Variants in RADIL observed in about 807,000 individuals in gnomAD.
The protein encoded by RADIL is ras-associating and dilute domain-containing protein.
Under a neutral mutation model 97.6 loss-of-function variants are expected in RADIL, and 99 were observed. That is an observed-to-expected ratio of 1.01 (90% CI 0.86 to 1.20). The LOEUF is 1.20. RADIL is among the 50% of genes most tolerant of loss of function. The probability of loss-of-function intolerance (pLI) is 0.00; values close to 1 mark genes in which losing one functional copy is unlikely to be tolerated. For missense variants in RADIL, 1,765 were observed against 1,498.9 expected (o/e 1.18, Z -2.93); for synonymous variants, 803 against 691.8 (o/e 1.16, Z -2.52).
chr7:4,877,874 G>A lies in RADIL; in HGVS notation c.266C>T (p.Ala89Val), dbSNP rs1481475262. 6.2e-7 allele frequency: 1 copy of A among 1,605,628 alleles called. No individual in the cohort carries two copies. Among genetic ancestry groups the A allele is most frequent in the Admixed American group, 1.7e-5 (1 of 60,012 alleles). ...CAGCGCCTCCTTCACCAGCTCACGG[G>A]CGCTGGAGGTGCCGGTGGCCAGGAC... ...KSVLATGTSSARELVKEALER... is the reference protein window; with the variant it reads ...KSVLATGTSSVRELVKEALER... The change falls in exon 2 of 15, where the codon GCC (alanine) becomes GTC (valine). Residue 89 changes from alanine (A) to valine (V), a missense_variant. Transcript: ENST00000399583.
At position 4,802,296 on chromosome 7, in the gene RADIL, GC is replaced by G. The variant is rs550845641; in HGVS notation, c.2500-302del. 2.0e-4 allele frequency among the ~76,000 whole-genome samples: 29 copies of G among 147,646 alleles called. No homozygotes were observed. In the South Asian group the frequency reaches 6.2e-3, roughly 31 times the overall value. ...CACCTCGGGGCACGCTGGCTGGGGG[GC>G]CCCCTCCCCAGGTACCTCGGGGCAT... On this transcript the variant is annotated intron_variant, in intron 11 of 14. Coordinates refer to ENST00000399583, the MANE Select transcript of RADIL (RefSeq NM_018059.5).
chr7:4,861,662 A>C, intron 2 of RADIL: 1 of 1,604,720 alleles, frequency 6.2e-7, no homozygotes. Flanking sequence ...GAAGACCCCG[A>C]AGGGCCTGAG....
intron 9 of RADIL, among the ~76,000 whole-genome samples, chr7:4,806,666 T>A (rs1782319269): frequency 6.6e-6 from 1 of 152,214 alleles, no homozygotes. Flanking sequence ...CTCTCTGGTT[T>A]GTCCTGTTTC....
rs916225710 is a variant in RADIL, at chr7:4,817,849, C to T, written c.1616-498G>A. Among the ~76,000 whole-genome samples the T allele has an allele frequency of 9.2e-5, 14 of 152,174 alleles. No homozygotes were observed. The highest frequency in any genetic ancestry group is 5.8e-4 in the East Asian group (3 of 5,180). On this transcript the variant is annotated intron_variant, in intron 6 of 14. Transcript: ENST00000399583. The surrounding 1 kb of genome is among the most constrained non-coding windows in gnomAD (Gnocchi z 8.3). ...CCCCACCCCCGGGTGTCAGCCGGGGCGGCTGGAGCTGAGGCTGGGGGGAGC... is the reference window on the plus strand; with the variant it reads ...CCCCACCCCCGGGTGTCAGCCGGGGTGGCTGGAGCTGAGGCTGGGGGGAGC...
At chr7:4,812,433 A>ATTG (rs2115182481) in intron 9 of RADIL, among the ~76,000 whole-genome samples, 1 of 151,140 alleles carries the variant, frequency 6.6e-6, no homozygotes, top group South Asian at 2.1e-4. Context: ...TTTTATTATT[A>ATTG]TTATTTTTGA....
rs1782701288 is a variant in RADIL at position 4,817,251 on chromosome 7, G to A, written c.1716C>T (p.Tyr572=). ...CCCGTCCGTGCACCTTGGAGACATA[G>A]TAGACGCACTGCTGGAAGGCGTACA... ...VVLYAFQQCV[Y]YVSKSLYICL... The change falls in exon 7 of 15, where the codon TAC becomes TAT. Residue 572 remains tyrosine, a synonymous_variant. Coordinates refer to ENST00000399583, the MANE Select transcript of RADIL (RefSeq NM_018059.5). This position sits in a 1 kb window ranked among gnomAD's most constrained non-coding sequence, Gnocchi z 8.3. The A allele has an allele frequency of 6.2e-7, 1 of 1,612,192 alleles. No individual in the cohort carries two copies. Among genetic ancestry groups the A allele is most frequent in the Admixed American group, 1.7e-5 (1 of 59,934 alleles).
chr7:4,861,553 A>T (rs1783997330), intron 2 of RADIL: 1 of 1,613,930 alleles, frequency 6.2e-7, no homozygotes, highest in Admixed American at 1.7e-5. Context: ...CAGACTGGGG[A>T]AGACTCTTGC....
At chr7:4,826,740 A>AG (rs931143042) in intron 5 of RADIL, among the ~76,000 whole-genome samples, 2 of 152,026 alleles carry the variant, frequency 1.3e-5, no homozygotes, top group African/African-American at 4.8e-5. Context: ...CTCAAAAAAA[A>AG]AAAACAAAAA....
At chr7:4,803,257 G>T (rs1782174464) in intron 11 of RADIL, among the ~76,000 whole-genome samples, 1 of 105,728 alleles carries the variant, frequency 9.5e-6, no homozygotes, top group South Asian at 3.3e-4. Context: ...GGGCACGCTG[G>T]CTGGGGGGCC....
At chr7:4,806,059 G>A (rs1782297369) in intron 9 of RADIL, 2 of 985,378 alleles carry the variant, frequency 2.0e-6, no homozygotes, top group Non-Finnish European at 1.2e-6. Flanking sequence ...GCCTCCAACG[G>A]TGTGAAAGAA....
In RADIL at chr7:4,883,203, C is replaced by T. The variant is rs1178937902; in HGVS notation, c.-65+393G>A. Among the ~76,000 whole-genome samples, 2 of 152,072 alleles carry T rather than the reference C, an allele frequency of 1.3e-5. No homozygotes were observed. The highest frequency in any genetic ancestry group is 2.9e-5 in the Non-Finnish European group (2 of 67,978). ...CGCTGCGCCCCGCTCCCCCGCTGCGCGCCCCGGACGAAGCTCCCCCTCCAG... is the reference window on the plus strand; with the variant it reads ...CGCTGCGCCCCGCTCCCCCGCTGCGTGCCCCGGACGAAGCTCCCCCTCCAG... On this transcript the variant is annotated intron_variant, in intron 1 of 14. Coordinates refer to ENST00000399583, the MANE Select transcript of RADIL (RefSeq NM_018059.5). This position sits in a 1 kb window ranked among gnomAD's most constrained non-coding sequence, Gnocchi z 7.1.
chr7:4,860,033 C>T (rs755263634), intron 2 of RADIL: 1 of 1,614,014 alleles, frequency 6.2e-7, no homozygotes, highest in Non-Finnish European at 8.5e-7. Context: ...GTGAGGAATA[C>T]TTTCGTTTAA....
chr7:4,832,305 CTATT>C lies in RADIL; in HGVS notation c.1417-131_1417-128del, dbSNP rs1783166682. The C allele has an allele frequency of 9.0e-6, 8 of 887,782 alleles. No homozygotes were observed. In the African/African-American group the frequency reaches 9.9e-5, roughly 11 times the overall value. The allele number at this position is 887,782 out of a possible 1,614,324, so 55.0% of individuals were successfully genotyped here. A position where few individuals can be genotyped will look rare whatever the true frequency, so the allele number is the denominator to read the frequency against. On this transcript the variant is annotated intron_variant, in intron 4 of 14. Transcript: ENST00000399583. ...CCCCAGGCATCCTGTGTGACGCTGA[CTATT>C]TATTCAAGCTGTGCTGGAAAGGACA...
intron 9 of RADIL, among the ~76,000 whole-genome samples, chr7:4,806,622 G>A (rs185358619): frequency 6.6e-6 from 1 of 152,320 alleles, no homozygotes; most frequent in African/African-American, 2.4e-5. Context: ...CCGGCTCCCA[G>A]CCGGTTCTTA....
At position 4,817,393 on chromosome 7, in the gene RADIL, C is replaced by T. The variant is rs370977757; in HGVS notation, c.1616-42G>A. 1.1e-5 allele frequency: 17 copies of T among 1,542,632 alleles called. No individual in the cohort carries two copies. Among genetic ancestry groups the T allele is most frequent in the African/African-American group, 5.5e-5 (4 of 73,304 alleles). On this transcript the variant is annotated intron_variant, in intron 6 of 14. Coordinates refer to ENST00000399583, the MANE Select transcript of RADIL (RefSeq NM_018059.5). The surrounding 1 kb of genome is among the most constrained non-coding windows in gnomAD (Gnocchi z 8.3). ...ACGCCAATGGTCACAACGGGCACAG[C>T]GCTCAGGAACGCAGCAACTCAGCCA...
In RADIL at chr7:4,835,182, A is replaced by T; in HGVS notation, c.841T>A (p.Ser281Thr). Residue 281 changes from serine (S) to threonine (T), a missense_variant, in exon 4 of 15, where the codon TCC becomes ACC. By Grantham distance (58) the Ser-to-Thr change is moderately conservative. Coordinates refer to ENST00000399583, the MANE Select transcript of RADIL (RefSeq NM_018059.5). The surrounding 1 kb of genome is among the most constrained non-coding windows in gnomAD (Gnocchi z 5.8). ...GAGAGGCTGATGCTGGGCTTGCTGG[A>T]GGGGGTCCGCTGGCCCACCGTGTGC... ...DRHTVGQRTP[S>T]SKPSISLSAP... 3 of 1,611,948 alleles carry T rather than the reference A, an allele frequency of 1.9e-6. No homozygotes were observed. The highest frequency in any genetic ancestry group is 2.5e-6 in the Non-Finnish European group (3 of 1,179,724).
chr7:4,802,059 A>G, intron 11 of RADIL, 64 bp from the exon 12 acceptor site: 2 of 1,351,700 alleles, frequency 1.5e-6, no homozygotes, highest in Admixed American at 2.9e-5. Flanking sequence ...CACTCGGGCA[A>G]CTGGGCAGCC....
At position 4,824,355 on chromosome 7, in the gene RADIL, G is replaced by A. The variant is rs1339412006; in HGVS notation, c.1455-1801C>T. Among the ~76,000 whole-genome samples the A allele has an allele frequency of 6.6e-6, 1 of 152,236 alleles. No homozygotes were observed. Among genetic ancestry groups the A allele is most frequent in the South Asian group, 2.1e-4 (1 of 4,836 alleles). ...CCATCGCGTGCTCAGTCCCAGGTGT[G>A]TGGACCCGGCCTGGGGTCCTTTGAA... is the stretch of plus-strand genomic sequence containing the variant. On this transcript the variant is annotated intron_variant, in intron 5 of 14. Coordinates refer to ENST00000399583, the MANE Select transcript of RADIL (RefSeq NM_018059.5). This position sits in a 1 kb window ranked among gnomAD's most constrained non-coding sequence, Gnocchi z 6.7.
intron 2 of RADIL, among the ~76,000 whole-genome samples, chr7:4,856,355 C>T (rs1331147880): frequency 6.6e-6 from 1 of 152,108 alleles, no homozygotes; most frequent in Non-Finnish European, 1.5e-5. Context: ...AGCGATCCAC[C>T]CGCCTCGACC....
Sources: gnomAD v4.1 joint callset for allele counts (sites outside exome capture counted in the v4.1 genomes callset) on GRCh38, gnomAD v4.1.1 for gene constraint, Gnocchi (gnomAD v3.1) non-coding constraint, MANE v1.5 for transcripts, NCBI Gene and HGNC (gene_info 2026-07-23, HGNC 2026-07-21) for gene names.